SANBR: variants seen among roughly 807,000 people sequenced by gnomAD.
SANBR encodes the protein SANT and BTB domain regulator of class switch recombination.
SANBR carries 77 observed loss-of-function variants against 101.8 expected under a neutral mutation model. That is an observed-to-expected ratio of 0.76 (90% CI 0.63 to 0.91). The LOEUF is 0.91. SANBR is among the 40% of genes least tolerant of loss of function. SANBR has a pLI of 0.00. For synonymous variants in SANBR, 279 were observed against 274.7 expected, an observed-to-expected ratio of 1.02 and a Z score of -0.15; for missense variants, 875 against 853.0, an observed-to-expected ratio of 1.03 and a Z score of -0.32.
chr2:61,079,864 C>T (rs917610598), intron 6 of SANBR, among the ~76,000 whole-genome samples: 1 of 151,408 alleles, frequency 6.6e-6, no homozygotes, highest in African/African-American at 2.4e-5. Flanking sequence ...TGCGCCACTG[C>T]ACTCCAGCCT....
intron 7 of SANBR, among the ~76,000 whole-genome samples, chr2:61,082,227 G>A (rs1031366502): frequency 3.9e-5 from 6 of 152,088 alleles, no homozygotes; most frequent in South Asian, 2.1e-4. Context: ...TCAGGGAAGG[G>A]TTACAGAAAA....
chr2:61,078,739 G>GAA (rs1681927654), intron 6 of SANBR, among the ~76,000 whole-genome samples: 1 of 151,988 alleles, frequency 6.6e-6, no homozygotes, highest in Non-Finnish European at 1.5e-5. Context: ...TTTCATTTTA[G>GAA]AAAAGGTGGT....
intron 6 of SANBR, among the ~76,000 whole-genome samples, chr2:61,077,938 C>CT (rs1489564556): frequency 1.3e-5 from 2 of 152,214 alleles, no homozygotes; most frequent in Non-Finnish European, 2.9e-5. Flanking sequence ...TTGTCACCTG[C>CT]TGTCAGTGAC....
intron 12 of SANBR, among the ~76,000 whole-genome samples, chr2:61,098,436 C>T (rs1440731454): frequency 2.0e-5 from 3 of 152,086 alleles, no homozygotes; most frequent in Non-Finnish European, 4.4e-5. Flanking sequence ...GAAACAAGAT[C>T]ATACTAATAA....
In SANBR at chr2:61,065,927, G is replaced by T. The variant is rs1681119941; in HGVS notation, c.-247G>T. ...GCGGGGTGTGAGGCGCTGCGGACGG[G>T]GTTGCGGGCTCGGTAGCGGCAGCTT... On this transcript the variant is annotated 5_prime_UTR_variant, in exon 1 of 22. Coordinates refer to ENST00000402291, the MANE Select transcript of SANBR (RefSeq NM_001129993.3). 1 of 152,318 alleles carries T rather than the reference G, an allele frequency of 6.6e-6. No homozygotes were observed. The highest frequency in any genetic ancestry group is 1.5e-5 in the Non-Finnish European group (1 of 68,120). 9.4% of individuals were successfully genotyped at this position (152,318 alleles called of 1,614,324 possible). A position where few individuals can be genotyped will look rare whatever the true frequency, so the allele number is the denominator to read the frequency against.
intron 12 of SANBR, 63 bp downstream of exon 12, chr2:61,097,915 GTA>G: frequency 7.4e-7 from 1 of 1,353,964 alleles, no homozygotes; most frequent in East Asian, 2.3e-5. Flanking sequence ...ATACATTAAT[GTA>G]TAAAAGACTT....
chr2:61,071,667 A>G lies in SANBR; in HGVS notation c.212A>G (p.Asn71Ser). 6.2e-7 allele frequency: 1 copy of G among 1,600,584 alleles called. No homozygotes were observed. Among genetic ancestry groups the G allele is most frequent in the Non-Finnish European group, 8.5e-7 (1 of 1,175,538 alleles). The change falls in exon 4 of 22, where the codon AAT (asparagine) becomes AGT (serine). Residue 71 changes from asparagine (N) to serine (S), a missense_variant. By Grantham distance (46) the Asn-to-Ser change is conservative. Transcript: ENST00000402291. ...SGSSPVDNQY[N>S]SLMAAGESPV... The stretch of plus-strand genomic sequence containing the variant: ...AGCTCGCCTGTTGACAACCAGTATA[A>G]TTCCCTAATGGCTGCTGGAGAGAGT...
rs2104892621 is a variant in SANBR at position 61,088,479 on chromosome 2, G to A, written c.1088+11G>A. The A allele has an allele frequency of 6.5e-7, 1 of 1,534,322 alleles. No homozygotes were observed. Among genetic ancestry groups the A allele is most frequent in the South Asian group, 1.2e-5 (1 of 83,636 alleles). On this transcript the variant is annotated intron_variant, in intron 10 of 21. Coordinates refer to ENST00000402291, the MANE Select transcript of SANBR (RefSeq NM_001129993.3). ...CTATATTCACATAAGGTGTCGTGAA[G>A]ATAAAATACATACATGTATTTTTGT...
chr2:61,124,370 A>G (rs1272841345), downstream of SANBR: 3 of 562,594 alleles, frequency 5.3e-6, no homozygotes, highest in Non-Finnish European at 6.8e-6. Context: ...TTTCATGGAA[A>G]ATTATCTCTG....
intron 5 of SANBR, among the ~76,000 whole-genome samples, chr2:61,074,729 T>A (rs1681668493): frequency 6.6e-6 from 1 of 152,162 alleles, no homozygotes; most frequent in African/African-American, 2.4e-5. Context: ...TTTAACTGAT[T>A]GGTTGGTTTG....
intron 17 of SANBR, chr2:61,117,073 T>G (rs1373771895): frequency 2.4e-6 from 1 of 411,112 alleles, no homozygotes; most frequent in South Asian, 2.9e-5. Context: ...AAAAAAAAAT[T>G]GCATAAGCTG....
intron 6 of SANBR, 73 bp from the exon 7 acceptor site, chr2:61,081,379 G>A: frequency 7.1e-7 from 1 of 1,399,560 alleles, no homozygotes; most frequent in Non-Finnish European, 9.7e-7. Flanking sequence ...CCTCTTTTAA[G>A]GTAAGAAGGA....
At chr2:61,088,846 G>C in intron 10 of SANBR, 3 of 970,470 alleles carry the variant, frequency 3.1e-6, no homozygotes, top group Non-Finnish European at 3.7e-6. Context: ...TGAATTTCTA[G>C]CATATTTATA....
At chr2:61,086,705 G>A (rs1184222318) in intron 8 of SANBR, among the ~76,000 whole-genome samples, 1 of 152,134 alleles carries the variant, frequency 6.6e-6, no homozygotes, top group Non-Finnish European at 1.5e-5. Flanking sequence ...GAAAAAATTA[G>A]CAGTAGCTAT....
At chr2:61,125,261 T>C (rs1486123735), downstream of SANBR, among the ~76,000 whole-genome samples, 1 of 152,248 alleles carries the variant, frequency 6.6e-6, no homozygotes, top group Admixed American at 6.5e-5. Context: ...TGCATTGTTA[T>C]GTTAACATGT....
chr2:61,103,082 ATAT>A (rs1228014251), intron 12 of SANBR, among the ~76,000 whole-genome samples: 4 of 151,754 alleles, frequency 2.6e-5, no homozygotes, highest in African/African-American at 9.7e-5. Context: ...ATTAAAGCAA[ATAT>A]TATTATTACA....
intron 11 of SANBR, among the ~76,000 whole-genome samples, 183 bp downstream of exon 11, chr2:61,092,770 G>A (rs1682833542): frequency 6.6e-6 from 1 of 152,146 alleles, no homozygotes; most frequent in African/African-American, 2.4e-5. Flanking sequence ...AGAGACCAAG[G>A]CAGGTGGATC....
At chr2:61,105,665 C>G (rs377482048) in intron 13 of SANBR, among the ~76,000 whole-genome samples, 3 of 106,636 alleles carry the variant, frequency 2.8e-5, no homozygotes, top group African/African-American at 9.5e-5. Context: ...TGCGCCTGGC[C>G]GCACCCCCCT....
chr2:61,125,598 C>T (rs1684491065), downstream of SANBR, among the ~76,000 whole-genome samples: 1 of 152,206 alleles, frequency 6.6e-6, no homozygotes, highest in Non-Finnish European at 1.5e-5. Context: ...AGTCTAACAG[C>T]AGCTCTCTTT....
Sources: allele counts gnomAD v4.1 joint callset (sites outside exome capture counted in the v4.1 genomes callset), GRCh38; gene constraint gnomAD v4.1.1; transcripts MANE v1.5; gene names NCBI Gene and HGNC (gene_info 2026-07-23, HGNC 2026-07-21).